LARP4B: variants seen among roughly 807,000 people sequenced by gnomAD.
The protein encoded by LARP4B is La ribonucleoprotein 4B, also known as la-related protein 4B.
In LARP4B, 12 loss-of-function variants were observed where a neutral mutation model predicts 89.8. The observed-to-expected ratio is 0.13, with a 90% CI of 0.09 to 0.22. LARP4B has a LOEUF of 0.22. Ranked by LOEUF, LARP4B falls within the 10% of genes least tolerant of loss-of-function variation. The pLI is 1.00. For synonymous variants in LARP4B, 367 were observed against 363.3 expected (o/e 1.01, Z -0.12); for missense variants, 757 against 947.7 (o/e 0.80, Z 2.64).
At chr10:943,579 G>A in the LARP4B span, among the ~76,000 whole-genome samples, 1 of 152,188 alleles carries the variant, frequency 6.6e-6, no homozygotes. Flanking sequence ...ACAGGCATGT[G>A]CCACCACATA....
chr10:873,369 A>G (rs1240101449), intron 3 of LARP4B: 2 of 985,288 alleles, frequency 2.0e-6, no homozygotes, highest in Non-Finnish European at 2.4e-6. Context: ...AAACAGGACC[A>G]GGATCCAAAA....
Position 885,638 on chromosome 10 carries a change from C to T in LARP4B, c.81+3G>A. 1 of 1,613,136 alleles carries T rather than the reference C, an allele frequency of 6.2e-7. No homozygotes were observed. Among genetic ancestry groups the T allele is most frequent in the Non-Finnish European group, 8.5e-7 (1 of 1,179,360 alleles). The stretch of plus-strand genomic sequence containing the variant: ...CCCCACCACCCCATTCGACAGCACC[C>T]ACCAGATGAGCGCTGTCCTTGCCCT... On this transcript the variant is annotated splice_donor_region_variant and intron_variant, in intron 2 of 17. Transcript: ENST00000316157.
At chr10:967,616 A>C in the LARP4B span, among the ~76,000 whole-genome samples, 2 of 152,228 alleles carry the variant, frequency 1.3e-5, no homozygotes, top group Admixed American at 6.5e-5. Context: ...AGGAAGGAGG[A>C]GGCTCAGCCC....
At chr10:962,708 G>A in the LARP4B span, among the ~76,000 whole-genome samples, 2 of 152,274 alleles carry the variant, frequency 1.3e-5, no homozygotes, top group African/African-American at 2.4e-5. Flanking sequence ...ACCCAATCAG[G>A]TAAGCTCTTG....
At chr10:976,883 C>T in the LARP4B span, among the ~76,000 whole-genome samples, 1,363 of 143,288 alleles carry the variant, frequency 9.5e-3, 23 homozygotes, top group African/African-American at 0.034. Context: ...TGTTGTGCAA[C>T]GTGTGGACCC....
At chr10:907,882 C>T (rs774602645) in intron 1 of LARP4B, among the ~76,000 whole-genome samples, 1 of 152,184 alleles carries the variant, frequency 6.6e-6, no homozygotes, top group African/African-American at 2.4e-5. Context: ...CCAATGATTT[C>T]AGCAATCATG....
chr10:972,189 G>A, the LARP4B span: 154,600 of 298,094 alleles, frequency 0.52, 40,932 homozygotes, highest in East Asian at 0.61. Context: ...CAACACGCCT[G>A]GGTAATTTTT....
At chr10:857,864 T>C (rs1370323286) in intron 5 of LARP4B, among the ~76,000 whole-genome samples, 1 of 152,164 alleles carries the variant, frequency 6.6e-6, no homozygotes, top group African/African-American at 2.4e-5. Context: ...GGCCAAAAGA[T>C]GGATCCTTTA....
Position 895,005 on chromosome 10 carries a change from G to A in LARP4B, c.-39-9245C>T, listed in dbSNP as rs554867177. Among the ~76,000 whole-genome samples, 8 of 152,268 alleles carry A rather than the reference G, an allele frequency of 5.3e-5. No homozygotes were observed. In the East Asian group the frequency reaches 1.2e-3, roughly 22 times the overall value. ...TTTGCGACCAGCCTCGGGCAACACA[G>A]TGAAACCCTGTCTCTACTAAAATAC... On this transcript the variant is annotated intron_variant, in intron 1 of 17. Coordinates refer to ENST00000316157, the MANE Select transcript of LARP4B (RefSeq NM_015155.3).
At chr10:862,538 A>G (rs1343449683) in intron 5 of LARP4B, among the ~76,000 whole-genome samples, 1 of 152,182 alleles carries the variant, frequency 6.6e-6, no homozygotes, top group Non-Finnish European at 1.5e-5. Flanking sequence ...AGGCGGGCAG[A>G]TCACAAGGTC....
chr10:920,680 G>A (rs530667424), intron 1 of LARP4B, among the ~76,000 whole-genome samples: 2 of 152,214 alleles, frequency 1.3e-5, no homozygotes, highest in African/African-American at 2.4e-5. Context: ...GTTGAAGCAC[G>A]AGAATCACTT....
chr10:887,442 G>C (rs1377245658), intron 1 of LARP4B, among the ~76,000 whole-genome samples: 1 of 151,822 alleles, frequency 6.6e-6, no homozygotes, highest in Non-Finnish European at 1.5e-5. Flanking sequence ...AGATGTGGTG[G>C]CTCATACCTA....
chr10:814,752 C>T lies in LARP4B; in HGVS notation c.1919G>A (p.Gly640Glu). The change falls in exon 17 of 18, where the codon GGA (glycine) becomes GAA (glutamate). Residue 640 changes from glycine to glutamate, a missense_variant. Gly to Glu is a moderately conservative substitution (Grantham distance 98, BLOSUM62 -2). This residue lies in a region of LARP4B where 387 missense variants were observed against 423.6 expected (regional missense o/e 0.91). Transcript: ENST00000316157. This position sits in a 1 kb window ranked among gnomAD's most constrained non-coding sequence, Gnocchi z 4.4. ...GCACGAGGTACGTACCGTGGCGGCT[C>T]CGTTCACCTGCACCGATTTACACGC... ...ATACKSVQVN[G>E]AATELRKPSY... 1 of 1,593,960 alleles carries T rather than the reference C, an allele frequency of 6.3e-7. No homozygotes were observed. Among genetic ancestry groups the T allele is most frequent in the Non-Finnish European group, 8.5e-7 (1 of 1,169,846 alleles).
upstream of LARP4B, among the ~76,000 whole-genome samples, chr10:935,213 T>G (rs1245822614): frequency 2.6e-5 from 4 of 152,294 alleles, no homozygotes; most frequent in Non-Finnish European, 5.9e-5. Context: ...GACTGCACAG[T>G]TGACAGGTAA....
At chr10:968,017 T>C in the LARP4B span, among the ~76,000 whole-genome samples, 1 of 152,188 alleles carries the variant, frequency 6.6e-6, no homozygotes, top group Admixed American at 6.5e-5. Flanking sequence ...TTCTATGTTC[T>C]AGAGCAGTGT....
At chr10:971,744 T>G in the LARP4B span, 1 of 152,318 alleles carries the variant, frequency 6.6e-6, no homozygotes, top group African/African-American at 2.4e-5. Flanking sequence ...ACAAGCTTAG[T>G]GTAGCCACAT....
At chr10:905,683 AGGAGCTGAGGAGCAAGGG>A (rs1836471155) in intron 1 of LARP4B, among the ~76,000 whole-genome samples, 1 of 150,014 alleles carries the variant, frequency 6.7e-6, no homozygotes, top group South Asian at 2.1e-4. Flanking sequence ...GGAGCAAGGG[AGGAGCTGAGGAGCAAGGG>A]AGGAGCTGAG....
At chr10:808,877 A>G (rs1831642154), downstream of LARP4B, 1 of 152,204 alleles carries the variant, frequency 6.6e-6, no homozygotes, top group Non-Finnish European at 1.5e-5. Flanking sequence ...TTTACTACAC[A>G]ATAATTAAAC....
chr10:900,784 T>C (rs548529445), intron 1 of LARP4B, among the ~76,000 whole-genome samples: 32 of 151,190 alleles, frequency 2.1e-4, no homozygotes, highest in African/African-American at 7.8e-4. Context: ...CACGCTTGGC[T>C]AATTTTTGTA....
Sources: allele counts gnomAD v4.1 joint callset (sites outside exome capture counted in the v4.1 genomes callset), GRCh38; gene constraint gnomAD v4.1.1; regional missense constraint gnomAD v4.1.1; non-coding constraint Gnocchi (gnomAD v3.1); transcripts MANE v1.5; gene names NCBI Gene and HGNC (gene_info 2026-07-23, HGNC 2026-07-21).